The following FRMPD4 variants were observed in gnomAD, a reference collection of about 807,000 sequenced individuals.
FRMPD4 encodes the protein FERM and PDZ domain-containing protein 4.
FRMPD4 carries 22 observed loss-of-function variants against 94.1 expected under a neutral mutation model. That is an observed-to-expected ratio of 0.23 (90% CI 0.17 to 0.33). FRMPD4 has a LOEUF of 0.33. Ranked by LOEUF, FRMPD4 falls within the 10% of genes least tolerant of loss-of-function variation. The pLI is 1.00. For synonymous variants in FRMPD4, 631 were observed against 548.6 expected (o/e 1.15, Z -2.10); for missense variants, 1,111 against 1,339.9 (o/e 0.83, Z 2.67).
At chrX:11,926,180 C>T (rs1169251236) in intron 3 of FRMPD4, among the ~76,000 whole-genome samples, 5 of 102,964 alleles carry the variant, frequency 4.9e-5, no homozygotes, top group African/African-American at 1.1e-4. Context: ...CTCTCAAGAC[C>T]GAACCAGAAG....
intron 2 of FRMPD4, among the ~76,000 whole-genome samples, chrX:12,575,239 A>T: frequency 9.0e-6 from 1 of 111,705 alleles, no homozygotes; most frequent in Non-Finnish European, 1.9e-5. Flanking sequence ...AAGGTCAACT[A>T]TCCTCTTGTT....
chrX:11,928,200 A>T (rs1431720702), intron 3 of FRMPD4, among the ~76,000 whole-genome samples: 1 of 112,357 alleles, frequency 8.9e-6, no homozygotes, highest in Admixed American at 9.4e-5. Flanking sequence ...CCACAATGAG[A>T]TACCATCTGT....
At chrX:12,373,972 T>C (rs755754822) in intron 1 of FRMPD4, among the ~76,000 whole-genome samples, 10 of 112,025 alleles carry the variant, frequency 8.9e-5, no homozygotes, top group Non-Finnish European at 1.3e-4. Context: ...AGCTTGACCT[T>C]ATCATACTAA....
chrX:12,278,556 T>C (rs1034435359), intron 1 of FRMPD4, among the ~76,000 whole-genome samples: 1 of 112,392 alleles, frequency 8.9e-6, no homozygotes, highest in African/African-American at 3.2e-5. Context: ...AACTCCTCAG[T>C]GGGTCTAGCT....
intron 3 of FRMPD4, among the ~76,000 whole-genome samples, chrX:12,003,594 T>C (rs2054535384): frequency 8.9e-6 from 1 of 111,745 alleles, no homozygotes; most frequent in Non-Finnish European, 1.9e-5. Context: ...TTCGTAGAGA[T>C]GGTGTTTCAC....
chrX:11,984,681 C>A (rs2054417608), intron 3 of FRMPD4, among the ~76,000 whole-genome samples: 1 of 112,224 alleles, frequency 8.9e-6, no homozygotes. Flanking sequence ...TGAATGTTTG[C>A]CTCACAAATT....
At chrX:11,903,970 T>C (rs1242143422) in intron 3 of FRMPD4, among the ~76,000 whole-genome samples, 2 of 110,668 alleles carry the variant, frequency 1.8e-5, no homozygotes, top group African/African-American at 3.3e-5. Flanking sequence ...TTTGTAGTGA[T>C]GGGGGTCTCA....
chrX:12,214,438 T>C (rs1362443419), intron 1 of FRMPD4, among the ~76,000 whole-genome samples: 1 of 112,494 alleles, frequency 8.9e-6, no homozygotes, highest in East Asian at 2.8e-4. Context: ...TTATGATTTA[T>C]ACCCTGTTGT....
At chrX:12,195,594 T>A (rs2056557599) in intron 1 of FRMPD4, among the ~76,000 whole-genome samples, 1 of 111,420 alleles carries the variant, frequency 9.0e-6, no homozygotes, top group African/African-American at 3.3e-5. Flanking sequence ...GTCACGAAGT[T>A]ACAGTGACTA....
At chrX:12,334,051 C>T (rs1450747489) in intron 1 of FRMPD4, among the ~76,000 whole-genome samples, 1 of 111,658 alleles carries the variant, frequency 9.0e-6, no homozygotes, top group Non-Finnish European at 1.9e-5. Flanking sequence ...TTTTTCTGTA[C>T]TGTGCAGTCA....
intron 1 of FRMPD4, among the ~76,000 whole-genome samples, chrX:12,213,153 C>T (rs1337810468): frequency 9.0e-6 from 1 of 111,553 alleles, no homozygotes; most frequent in Non-Finnish European, 1.9e-5. Context: ...CATGCTCTGA[C>T]TTCTCGGGTT....
chrX:12,216,045 G>A (rs987406052), intron 1 of FRMPD4, among the ~76,000 whole-genome samples: 1 of 112,249 alleles, frequency 8.9e-6, no homozygotes, highest in African/African-American at 3.2e-5. Context: ...GCCAACTCCT[G>A]GCCTAGAATA....
chrX:12,005,925 AT>A (rs1426032712), intron 3 of FRMPD4, among the ~76,000 whole-genome samples: 6 of 111,503 alleles, frequency 5.4e-5, no homozygotes, highest in Non-Finnish European at 7.5e-5. Flanking sequence ...ATCATTAGTC[AT>A]TAGTCTCTCC....
chrX:12,563,609 A>AAT (rs1407919744), intron 2 of FRMPD4, among the ~76,000 whole-genome samples: 4 of 112,026 alleles, frequency 3.6e-5, no homozygotes, highest in Non-Finnish European at 7.5e-5. Context: ...GTTGCCTATT[A>AAT]ACCAGGTGCC....
intron 3 of FRMPD4, among the ~76,000 whole-genome samples, chrX:11,997,261 G>C (rs1326718990): frequency 1.8e-5 from 2 of 111,026 alleles, no homozygotes; most frequent in African/African-American, 3.3e-5. Flanking sequence ...AGCAAAACTA[G>C]GCTCAAAGAT....
intron 3 of FRMPD4, among the ~76,000 whole-genome samples, chrX:12,052,794 A>C (rs1487427230): frequency 8.9e-6 from 1 of 112,026 alleles, no homozygotes; most frequent in East Asian, 2.8e-4. Context: ...ACCTTATTTT[A>C]AACAATCACC....
intron 4 of FRMPD4, among the ~76,000 whole-genome samples, chrX:12,662,210 T>G (rs2059721516): frequency 9.0e-6 from 1 of 111,190 alleles, no homozygotes; most frequent in Non-Finnish European, 1.9e-5. Flanking sequence ...TTTTTTAATA[T>G]TTTTATTATA....
intron 3 of FRMPD4, among the ~76,000 whole-genome samples, chrX:11,932,396 G>T (rs936815039): frequency 9.0e-6 from 1 of 111,150 alleles, no homozygotes; most frequent in Non-Finnish European, 1.9e-5. Context: ...TCCTATGATA[G>T]GAATCCTGAA....
At chrX:11,866,088 C>T (rs1010624208) in intron 2 of FRMPD4, among the ~76,000 whole-genome samples, 2 of 111,869 alleles carry the variant, frequency 1.8e-5, no homozygotes, top group Non-Finnish European at 3.8e-5. Flanking sequence ...GCAGAAAAAG[C>T]TGAAGAAAGC....
Sources: allele counts gnomAD v4.1 joint callset (sites outside exome capture counted in the v4.1 genomes callset), GRCh38; gene constraint gnomAD v4.1.1; transcripts MANE v1.5; gene names NCBI Gene and HGNC (gene_info 2026-07-23, HGNC 2026-07-21).